The following CNMD variants were observed in gnomAD, a reference collection of about 807,000 sequenced individuals.
The protein encoded by CNMD is leukocyte cell-derived chemotaxin 1.
Under a neutral mutation model 37.5 loss-of-function variants are expected in CNMD, and 30 were observed. That is an observed-to-expected ratio of 0.80 (90% CI 0.60 to 1.09). The LOEUF (loss-of-function observed/expected upper bound fraction) is 1.09. CNMD is among the 50% of genes least tolerant of loss of function. The probability of loss-of-function intolerance (pLI) is 0.00; values close to 1 mark genes in which losing one functional copy is unlikely to be tolerated. For missense variants in CNMD, 398 were observed against 423.9 expected (o/e 0.94, Z 0.54); for synonymous variants, 167 against 148.2 (o/e 1.13, Z -0.92).
At chr13:52,732,167 C>T (rs1256315636) in intron 3 of CNMD, among the ~76,000 whole-genome samples, 3 of 152,142 alleles carry the variant, frequency 2.0e-5, no homozygotes, top group Non-Finnish European at 4.4e-5. Context: ...CTTTTCTCAT[C>T]AATCAGAGGA....
intron 3 of CNMD, among the ~76,000 whole-genome samples, chr13:52,730,806 C>G (rs1215227327): frequency 1.3e-5 from 2 of 152,118 alleles, no homozygotes; most frequent in Admixed American, 6.5e-5. Flanking sequence ...CTTGGGTTTT[C>G]TATCTCTCAG....
intron 4 of CNMD, 27 bp from the exon 5 acceptor site, chr13:52,712,896 G>C: frequency 6.6e-7 from 1 of 1,512,838 alleles, no homozygotes; most frequent in African/African-American, 1.4e-5. Context: ...TTGCATTTGA[G>C]CAAAGAGGAC....
At chr13:52,706,724 AGTGTGTGTGTGT>A in intron 6 of CNMD, among the ~76,000 whole-genome samples, 1 of 16,922 alleles carries the variant, frequency 5.9e-5, no homozygotes, top group African/African-American at 1.6e-4. Context: ...TTGTGTTAAA[AGTGTGTGTGTGT>A]GTATGTGTGT....
At chr13:52,703,974 C>A (rs1171148872) in intron 6 of CNMD, among the ~76,000 whole-genome samples, 164 bp from the exon 7 acceptor site, 1 of 152,182 alleles carries the variant, frequency 6.6e-6, no homozygotes, top group African/African-American at 2.4e-5. Flanking sequence ...ATGTTCACTG[C>A]TGTCATTCAT....
At chr13:52,707,143 C>T (rs1320921442) in intron 6 of CNMD, among the ~76,000 whole-genome samples, 4 of 152,176 alleles carry the variant, frequency 2.6e-5, no homozygotes, top group African/African-American at 2.4e-5. Flanking sequence ...ATCCACCCAC[C>T]TCAGCCTCCC....
chr13:52,706,689 GGAAA>G (rs1274124015), intron 6 of CNMD, among the ~76,000 whole-genome samples: 76 of 151,794 alleles, frequency 5.0e-4, no homozygotes, highest in African/African-American at 1.7e-3. Flanking sequence ...TATTGTAACT[GGAAA>G]GAAAGCAAGG....
At chr13:52,717,596 A>G (rs1964411928) in intron 4 of CNMD, among the ~76,000 whole-genome samples, 1 of 152,164 alleles carries the variant, frequency 6.6e-6, no homozygotes, top group African/African-American at 2.4e-5. Flanking sequence ...CTCTATTGAG[A>G]TAATCATGTG....
intron 6 of CNMD, among the ~76,000 whole-genome samples, chr13:52,707,453 G>T (rs1964202725): frequency 6.6e-6 from 1 of 151,388 alleles, no homozygotes; most frequent in African/African-American, 2.4e-5. Flanking sequence ...CAGTGTTTCA[G>T]CCTAAAGCAT....
At chr13:52,724,160 G>A (rs1964531812) in intron 3 of CNMD, 50 bp from the exon 4 acceptor site, 3 of 1,354,172 alleles carry the variant, frequency 2.2e-6, no homozygotes, top group East Asian at 2.3e-5. Flanking sequence ...TCATTTATTC[G>A]ATTTATTGAG....
At chr13:52,716,700 G>A (rs1004918955) in intron 4 of CNMD, among the ~76,000 whole-genome samples, 4 of 152,104 alleles carry the variant, frequency 2.6e-5, no homozygotes, top group Non-Finnish European at 4.4e-5. Flanking sequence ...CTGTTCCATT[G>A]ATCCATATAC....
chr13:52,720,384 G>C (rs1964462215), intron 4 of CNMD, among the ~76,000 whole-genome samples: 1 of 152,154 alleles, frequency 6.6e-6, no homozygotes, highest in African/African-American at 2.4e-5. Context: ...TGTTGGCGAG[G>C]AGTTGTGATC....
At chr13:52,705,072 ATTTC>A in intron 6 of CNMD, among the ~76,000 whole-genome samples, 1 of 150,586 alleles carries the variant, frequency 6.6e-6, no homozygotes, top group Non-Finnish European at 1.5e-5. Context: ...AAAAAAAAAA[ATTTC>A]AAACATACTG....
chr13:52,739,004 TC>T lies in CNMD; in HGVS notation c.213+26del. The T allele has an allele frequency of 1.3e-6, 2 of 1,529,158 alleles. No homozygotes were observed. Among genetic ancestry groups the T allele is most frequent in the Admixed American group, 2.1e-5 (1 of 47,636 alleles). The allele number at this position is 1,529,158 out of a possible 1,614,324, so 94.7% of individuals were successfully genotyped here. The stretch of plus-strand genomic sequence containing the variant: ...AGGGGCACCATGGGCGACACGGGGG[TC>T]CCCGCGCGCCGCCCTCTGGACTTAC... On this transcript the variant is annotated intron_variant, in intron 2 of 6. Transcript: ENST00000377962. The surrounding 1 kb of genome is among the most constrained non-coding windows in gnomAD (Gnocchi z 5.4).
At chr13:52,736,434 C>T (rs1964766227) in intron 2 of CNMD, among the ~76,000 whole-genome samples, 1 of 152,174 alleles carries the variant, frequency 6.6e-6, no homozygotes, top group Admixed American at 6.5e-5. Context: ...TGGCCTGCAG[C>T]CCACCTTTTA....
chr13:52,711,085 G>C (rs1325132889), intron 5 of CNMD, among the ~76,000 whole-genome samples: 1 of 152,188 alleles, frequency 6.6e-6, no homozygotes, highest in African/African-American at 2.4e-5. Flanking sequence ...CTCCCTGAGG[G>C]CACGGGTTCT....
intron 3 of CNMD, among the ~76,000 whole-genome samples, chr13:52,732,101 G>A (rs1394695225): frequency 1.3e-5 from 2 of 152,146 alleles, no homozygotes; most frequent in Non-Finnish European, 2.9e-5. Context: ...GACTTATGAG[G>A]TATATTTTGG....
At chr13:52,708,251 G>A (rs1249045353) in intron 6 of CNMD, among the ~76,000 whole-genome samples, 2 of 151,502 alleles carry the variant, frequency 1.3e-5, no homozygotes, top group African/African-American at 2.4e-5. Context: ...GCCCAATCTC[G>A]GCTCACTGCA....
At position 52,703,630 on chromosome 13, in the gene CNMD, T is replaced by TA. The variant is rs772880438; in HGVS notation, c.969dup (p.Ser324Ter). 39 of 1,613,370 alleles carry TA rather than the reference T, an allele frequency of 2.4e-5. No homozygotes were observed. The highest frequency in any genetic ancestry group is 3.3e-5 in the Non-Finnish European group (39 of 1,179,528). ...CCCAAGATACGGGCCACCCACCAGC[T>TA]ACATGGCATGATGACTCTGCAGGCC... On this transcript the variant is annotated frameshift_variant, in exon 7 of 7. Coordinates refer to ENST00000377962, the MANE Select transcript of CNMD (RefSeq NM_007015.3). LOFTEE classifies it high-confidence loss of function.
chr13:52,739,218 A>G lies in CNMD; in HGVS notation c.73-47T>C. 1 of 1,432,830 alleles carries G rather than the reference A, an allele frequency of 7.0e-7. No homozygotes were observed. The allele number at this position is 1,432,830 out of a possible 1,614,324, so 88.8% of individuals were successfully genotyped here. A position where few individuals can be genotyped will look rare whatever the true frequency, so the allele number is the denominator to read the frequency against. ...GGACCGTCGCGTTTGTGCCGCCAGC[A>G]CCTGCGGCCCCCAGCGCACCCGGGC... On this transcript the variant is annotated intron_variant, in intron 1 of 6. Coordinates refer to ENST00000377962, the MANE Select transcript of CNMD (RefSeq NM_007015.3). The surrounding 1 kb of genome is among the most constrained non-coding windows in gnomAD (Gnocchi z 5.4).
Sources: allele counts gnomAD v4.1 joint callset (sites outside exome capture counted in the v4.1 genomes callset), GRCh38; gene constraint gnomAD v4.1.1; non-coding constraint Gnocchi (gnomAD v3.1); transcripts MANE v1.5; gene names NCBI Gene and HGNC (gene_info 2026-07-23, HGNC 2026-07-21).